Variants in HIRA observed in about 807,000 individuals in gnomAD.
HIRA encodes histone cell cycle regulator.
A neutral mutation model predicts 126.6 loss-of-function variants in HIRA; 13 were observed. The ratio of observed to expected loss-of-function variants is 0.10; its 90% CI spans 0.07 to 0.16. The LOEUF is 0.16. Ranked by LOEUF, HIRA falls within the 10% of genes least tolerant of loss-of-function variation. The probability of loss-of-function intolerance (pLI) is 1.00; values close to 1 mark genes in which losing one functional copy is unlikely to be tolerated. For missense variants in HIRA, 834 were observed against 1,314.4 expected (o/e 0.63, Z 5.65); for synonymous variants, 511 against 520.0 (o/e 0.98, Z 0.24).
chr22:19,413,768 C>T (rs181482927), intron 1 of HIRA, among the ~76,000 whole-genome samples: 2 of 152,136 alleles, frequency 1.3e-5, no homozygotes, highest in Admixed American at 6.5e-5. Context: ...CCTGCTACCA[C>T]GCCCAGCTAA....
At chr22:19,405,255 CA>C (rs1242033636) in intron 5 of HIRA, among the ~76,000 whole-genome samples, 1 of 152,188 alleles carries the variant, frequency 6.6e-6, no homozygotes, top group Non-Finnish European at 1.5e-5. Flanking sequence ...ACTCCTAAGT[CA>C]AGTCTAAATT....
At chr22:19,429,939 C>T (rs1239962187) in intron 1 of HIRA, among the ~76,000 whole-genome samples, 1 of 152,172 alleles carries the variant, frequency 6.6e-6, no homozygotes, top group Admixed American at 6.5e-5. Context: ...CAATATTTGT[C>T]CAGTTCTCCA....
At chr22:19,429,054 T>C (rs935305226) in intron 1 of HIRA, among the ~76,000 whole-genome samples, 4 of 151,084 alleles carry the variant, frequency 2.6e-5, no homozygotes, top group African/African-American at 7.3e-5. Flanking sequence ...GAACATTCCA[T>C]GAGATTTTAA....
At chr22:19,415,313 G>C (rs2089387230) in intron 1 of HIRA, among the ~76,000 whole-genome samples, 1 of 152,040 alleles carries the variant, frequency 6.6e-6, no homozygotes, top group South Asian at 2.1e-4. Flanking sequence ...GGGAAATTAA[G>C]AAAACAATTC....
chr22:19,358,657 A>G (rs781967048), intron 18 of HIRA, among the ~76,000 whole-genome samples: 1 of 152,222 alleles, frequency 6.6e-6, no homozygotes, highest in Non-Finnish European at 1.5e-5. Flanking sequence ...ACCTAAGGCC[A>G]TGTGCTTTGA....
At chr22:19,349,402 G>A (rs527685961) in intron 24 of HIRA, among the ~76,000 whole-genome samples, 8 of 152,238 alleles carry the variant, frequency 5.3e-5, no homozygotes, top group African/African-American at 1.4e-4. Context: ...TGTGCCCGGC[G>A]ATACAGCTGA....
At chr22:19,368,921 T>C (rs1281873763) in intron 15 of HIRA, among the ~76,000 whole-genome samples, 2 of 152,168 alleles carry the variant, frequency 1.3e-5, no homozygotes, top group African/African-American at 4.8e-5. Context: ...CTCCTGCCTC[T>C]GCCAGATGCC....
chr22:19,405,971 G>T, intron 4 of HIRA, 91 bp from the exon 5 acceptor site: 1 of 766,100 alleles, frequency 1.3e-6, no homozygotes, highest in Non-Finnish European at 1.9e-6. Flanking sequence ...AGGGCACACA[G>T]AACAAAGCAA....
chr22:19,339,103 C>T (rs529816343), intron 24 of HIRA, among the ~76,000 whole-genome samples: 15 of 152,134 alleles, frequency 9.9e-5, no homozygotes, highest in African/African-American at 2.9e-4. Flanking sequence ...TATCAAGTAC[C>T]CTCTTAGACC....
At chr22:19,343,704 T>C (rs957796382) in intron 24 of HIRA, among the ~76,000 whole-genome samples, 2 of 151,852 alleles carry the variant, frequency 1.3e-5, no homozygotes, top group African/African-American at 2.4e-5. Flanking sequence ...GACGGGTGGA[T>C]TGATTGAGCC....
intron 13 of HIRA, among the ~76,000 whole-genome samples, chr22:19,380,924 G>A (rs1490294991): frequency 2.0e-5 from 3 of 152,128 alleles, no homozygotes; most frequent in Admixed American, 1.3e-4. Flanking sequence ...GTGCCCAGTC[G>A]ATTTTTCCAC....
chr22:19,392,617 C>T (rs2089192056), intron 8 of HIRA, among the ~76,000 whole-genome samples: 1 of 152,228 alleles, frequency 6.6e-6, no homozygotes, highest in Non-Finnish European at 1.5e-5. Context: ...AAGACCTACT[C>T]ACTCCCTATC....
chr22:19,347,497 G>A (rs184582369), intron 24 of HIRA, among the ~76,000 whole-genome samples: 2 of 152,136 alleles, frequency 1.3e-5, no homozygotes, highest in Non-Finnish European at 2.9e-5. Context: ...AAAAAAAGGT[G>A]GACAAATAGC....
chr22:19,377,681 G>A (rs1370292990), intron 14 of HIRA, among the ~76,000 whole-genome samples, 188 bp downstream of exon 14: 1 of 152,178 alleles, frequency 6.6e-6, no homozygotes, highest in African/African-American at 2.4e-5. Flanking sequence ...CAACAGTCCT[G>A]TGCATCAGAG....
At position 19,366,784 on chromosome 22, in the gene HIRA, A is replaced by T. The variant is rs571028973; in HGVS notation, c.1776-4853T>A. On this transcript the variant is annotated intron_variant, in intron 15 of 24. Coordinates refer to ENST00000263208, the MANE Select transcript of HIRA (RefSeq NM_003325.4). ...GATTTATTTATTTTTATTTTGAGAC[A>T]GATTCTCATTCTGTTGCCCAGGCTG... is the stretch of plus-strand genomic sequence containing the variant. 3.9e-5 allele frequency among the ~76,000 whole-genome samples: 6 copies of T among 152,316 alleles called. No individual in the cohort carries two copies. The South Asian group carries it at 1.2e-3, about 32-fold the overall frequency.
At chr22:19,428,803 T>C (rs2089508104) in intron 1 of HIRA, among the ~76,000 whole-genome samples, 1 of 152,100 alleles carries the variant, frequency 6.6e-6, no homozygotes, top group Admixed American at 6.5e-5. Flanking sequence ...AAGTTATGTT[T>C]GTGCTTCACA....
chr22:19,372,018 T>C (rs2088970508), intron 15 of HIRA, among the ~76,000 whole-genome samples: 5 of 152,238 alleles, frequency 3.3e-5, no homozygotes, highest in Admixed American at 2.6e-4. Flanking sequence ...TAACTCTATA[T>C]TTTACCATTT....
At chr22:19,377,085 T>A (rs1027429898) in intron 14 of HIRA, among the ~76,000 whole-genome samples, 1 of 152,292 alleles carries the variant, frequency 6.6e-6, no homozygotes. Context: ...CCAGGCCTCA[T>A]CCCCTGGTAG....
intron 24 of HIRA, among the ~76,000 whole-genome samples, chr22:19,334,095 C>T (rs1569285032): frequency 2.0e-5 from 3 of 151,876 alleles, no homozygotes. Flanking sequence ...CTGCCTCAGC[C>T]TCCCGAGTAG....
Sources: gnomAD v4.1 joint callset for allele counts (sites outside exome capture counted in the v4.1 genomes callset) on GRCh38, gnomAD v4.1.1 for gene constraint, MANE v1.5 for transcripts, NCBI Gene and HGNC (gene_info 2026-07-23, HGNC 2026-07-21) for gene names.